The following MECOM variants were observed in gnomAD, a reference collection of about 807,000 sequenced individuals.
The protein encoded by MECOM is histone-lysine N-methyltransferase MECOM.
Under a neutral mutation model 116.3 loss-of-function variants are expected in MECOM, and 13 were observed. The observed-to-expected ratio is 0.11, with a 90% confidence interval of 0.07 to 0.18. The LOEUF (loss-of-function observed/expected upper bound fraction) is 0.18. MECOM is among the 10% of genes least tolerant of loss of function. The probability of loss-of-function intolerance (pLI) is 1.00; values close to 1 mark genes in which losing one functional copy is unlikely to be tolerated. For missense variants in MECOM, 1,299 were observed against 1,509.0 expected, an observed-to-expected ratio of 0.86 and a Z score of 2.31; for synonymous variants, 528 against 535.2, an observed-to-expected ratio of 0.99 and a Z score of 0.19.
At chr3:169,288,866 G>A (rs1226287616) in intron 2 of MECOM, among the ~76,000 whole-genome samples, 1 of 152,152 alleles carries the variant, frequency 6.6e-6, no homozygotes, top group African/African-American at 2.4e-5. Flanking sequence ...GTTGCCTCAA[G>A]GTTAACTCTT....
chr3:169,159,042 T>A (rs1424506031), intron 2 of MECOM, among the ~76,000 whole-genome samples: 1 of 152,140 alleles, frequency 6.6e-6, no homozygotes, highest in Non-Finnish European at 1.5e-5. Flanking sequence ...GGGCTGAACA[T>A]GGTAAACTGC....
intron 1 of MECOM, among the ~76,000 whole-genome samples, chr3:169,466,771 T>C (rs1748379317): frequency 1.3e-5 from 2 of 152,064 alleles, no homozygotes; most frequent in Non-Finnish European, 2.9e-5. Context: ...AGTCAGAAAA[T>C]AGCCTCTTCC....
At chr3:169,436,071 A>T (rs7613476) in intron 1 of MECOM, among the ~76,000 whole-genome samples, 2,094 of 152,304 alleles carry the variant, frequency 0.014, 24 homozygotes, top group Middle Eastern at 0.027. Context: ...ATGTTGACAT[A>T]AAAAACAGAC....
At chr3:169,641,703 C>T (rs1773514100) in intron 1 of MECOM, among the ~76,000 whole-genome samples, 1 of 152,202 alleles carries the variant, frequency 6.6e-6, no homozygotes, top group South Asian at 2.1e-4. Flanking sequence ...AGTAAATATT[C>T]TCATTCCCGC....
At chr3:169,335,453 T>C (rs1577754297) in intron 2 of MECOM, among the ~76,000 whole-genome samples, 1 of 152,148 alleles carries the variant, frequency 6.6e-6, no homozygotes, top group South Asian at 2.1e-4. Flanking sequence ...CTTCAGCATG[T>C]CAAAAATTGA....
At chr3:169,134,901 T>C (rs965208491) in intron 3 of MECOM, among the ~76,000 whole-genome samples, 3 of 152,156 alleles carry the variant, frequency 2.0e-5, no homozygotes, top group Non-Finnish European at 4.4e-5. Flanking sequence ...TGATGGGATG[T>C]CATCTTAGAG....
At chr3:169,168,565 C>T (rs1433684048) in intron 2 of MECOM, among the ~76,000 whole-genome samples, 2 of 152,008 alleles carry the variant, frequency 1.3e-5, no homozygotes, top group African/African-American at 4.8e-5. Context: ...GTTATAAATA[C>T]ACTTCTTATA....
intron 1 of MECOM, among the ~76,000 whole-genome samples, chr3:169,640,512 G>A (rs944784907): frequency 4.6e-5 from 7 of 152,218 alleles, no homozygotes; most frequent in Admixed American, 1.3e-4. Flanking sequence ...CTGTCCATCT[G>A]TGCTATTCTA....
rs552326370 is a variant in MECOM, at chr3:169,466,644, C to T, written c.38-85120G>A. ...TTTTTTTCCTCTTTCACTTCGGCCT[C>T]TTTAAATAAAGAAAGAAAAGAAACA... On this transcript the variant is annotated intron_variant, in intron 1 of 16. Transcript: ENST00000651503. 1.4e-4 allele frequency among the ~76,000 whole-genome samples: 21 copies of T among 152,038 alleles called. No homozygotes were observed. The South Asian group carries it at 4.4e-3, about 32-fold the overall frequency.
intron 1 of MECOM, among the ~76,000 whole-genome samples, chr3:169,528,332 T>G (rs545852428): frequency 6.6e-6 from 1 of 152,122 alleles, no homozygotes; most frequent in African/African-American, 2.4e-5. Context: ...GTCTCAAACA[T>G]AGAACATAAG....
intron 1 of MECOM, among the ~76,000 whole-genome samples, chr3:169,550,003 C>T (rs1761186532): frequency 6.6e-6 from 1 of 151,984 alleles, no homozygotes; most frequent in African/African-American, 2.4e-5. Flanking sequence ...TGAGAAATCT[C>T]CATACGGATT....
At chr3:169,638,655 C>T (rs1267321092) in intron 1 of MECOM, among the ~76,000 whole-genome samples, 2 of 152,190 alleles carry the variant, frequency 1.3e-5, no homozygotes, top group African/African-American at 2.4e-5. Flanking sequence ...CAAATCAAGG[C>T]CTGCCTGACA....
chr3:169,513,683 G>A (rs934846499), intron 1 of MECOM, among the ~76,000 whole-genome samples: 1 of 152,212 alleles, frequency 6.6e-6, no homozygotes, highest in Non-Finnish European at 1.5e-5. Context: ...TTGAGGAGGT[G>A]TGATAAAGCT....
rs142431540 is a variant in MECOM at position 169,372,175 on chromosome 3, C to T, written c.375+9012G>A. 8.9e-4 allele frequency among the ~76,000 whole-genome samples: 136 copies of T among 152,026 alleles called. 1 individual carries two copies. The East Asian group carries it at 0.019, about 21-fold the overall frequency. ...TTCTATGTGTAAATGTATGTATGTTCGAAAGAAGAAAACTAAGTTCACAGC... is the reference window on the plus strand; with the variant it reads ...TTCTATGTGTAAATGTATGTATGTTTGAAAGAAGAAAACTAAGTTCACAGC... On this transcript the variant is annotated intron_variant, in intron 2 of 16. Transcript: ENST00000651503.
intron 2 of MECOM, among the ~76,000 whole-genome samples, chr3:169,340,583 T>C (rs1008270176): frequency 6.6e-6 from 1 of 152,248 alleles, no homozygotes. Flanking sequence ...TTTGATATTA[T>C]GATCATCACC....
chr3:169,394,400 T>C (rs1734700098), intron 1 of MECOM, among the ~76,000 whole-genome samples: 1 of 152,160 alleles, frequency 6.6e-6, no homozygotes, highest in South Asian at 2.1e-4. Flanking sequence ...GAAAATGACC[T>C]CAATGATCAA....
intron 1 of MECOM, among the ~76,000 whole-genome samples, chr3:169,510,051 G>T (rs1471399670): frequency 6.6e-6 from 1 of 152,240 alleles, no homozygotes; most frequent in African/African-American, 2.4e-5. Flanking sequence ...CTTATAGGGT[G>T]GGGGCAATCT....
chr3:169,119,560 A>G (rs533284864), intron 7 of MECOM, among the ~76,000 whole-genome samples: 6 of 152,318 alleles, frequency 3.9e-5, no homozygotes, highest in African/African-American at 1.4e-4. Context: ...CTTTTATTTT[A>G]AATAATAGAG....
At chr3:169,094,075 C>T (rs1313195102) in intron 13 of MECOM, among the ~76,000 whole-genome samples, 5 of 152,108 alleles carry the variant, frequency 3.3e-5, no homozygotes, top group African/African-American at 1.2e-4. Context: ...TACTTCTCTA[C>T]CTAAAATCTA....
Sources: allele counts gnomAD v4.1 joint callset (sites outside exome capture counted in the v4.1 genomes callset), GRCh38; gene constraint gnomAD v4.1.1; transcripts MANE v1.5; gene names NCBI Gene and HGNC (gene_info 2026-07-23, HGNC 2026-07-21).